The following CYRIA variants were observed in gnomAD, a reference collection of about 807,000 sequenced individuals.
CYRIA encodes the protein CYFIP-related Rac1 interactor A.
CYRIA carries 15 observed loss-of-function variants against 43.9 expected under a neutral mutation model. The observed-to-expected ratio is 0.34, with a 90% CI of 0.23 to 0.53. The LOEUF (loss-of-function observed/expected upper bound fraction) is 0.53. CYRIA is among the 20% of genes least tolerant of loss of function. The pLI is 0.94. For missense variants in CYRIA, 236 were observed against 394.2 expected, an observed-to-expected ratio of 0.60 and a Z score of 3.40; for synonymous variants, 117 against 136.0, an observed-to-expected ratio of 0.86 and a Z score of 0.97.
chr2:16,589,657 G>C (rs1667852667), intron 2 of CYRIA, among the ~76,000 whole-genome samples: 1 of 152,022 alleles, frequency 6.6e-6, no homozygotes, highest in Admixed American at 6.6e-5. Context: ...AGTATAAAAT[G>C]CTTAGCACAG....
intron 2 of CYRIA, among the ~76,000 whole-genome samples, chr2:16,592,278 G>A (rs1667959240): frequency 6.6e-6 from 1 of 152,054 alleles, no homozygotes; most frequent in African/African-American, 2.4e-5. Flanking sequence ...TTTGGATAAA[G>A]GATACTCAAA....
intron 1 of CYRIA, among the ~76,000 whole-genome samples, chr2:16,626,352 G>A (rs766534760): frequency 2.3e-4 from 35 of 152,140 alleles, no homozygotes; most frequent in African/African-American, 4.6e-4. Flanking sequence ...AAACTTGTAC[G>A]GTTAAAAATC....
At chr2:16,570,778 C>T (rs1437328460) in intron 3 of CYRIA, among the ~76,000 whole-genome samples, 1 of 152,130 alleles carries the variant, frequency 6.6e-6, no homozygotes, top group Non-Finnish European at 1.5e-5. Context: ...GTCCCCACCA[C>T]ACACACACCA....
rs74660891 is a variant in CYRIA, at chr2:16,564,276, T to C, written c.193-182A>G. Among the ~76,000 whole-genome samples, 708 of 152,316 alleles carry C rather than the reference T, an allele frequency of 4.6e-3. 5 individuals carry two copies. Among genetic ancestry groups the C allele is most frequent in the African/African-American group, 0.016 (684 of 41,572 alleles). Reference sequence around the variant, plus strand: ...CAATATGAATGGAAATTTTAACACTTGAACATACAGCAAATGGCTCTACAA... The same window carrying C: ...CAATATGAATGGAAATTTTAACACTCGAACATACAGCAAATGGCTCTACAA... On this transcript the variant is annotated intron_variant, in intron 4 of 11. Transcript: ENST00000381323.
At chr2:16,659,399 T>C (rs142803281) in intron 1 of CYRIA, among the ~76,000 whole-genome samples, 1 of 152,210 alleles carries the variant, frequency 6.6e-6, no homozygotes. Context: ...GGGGATAATA[T>C]CTGTTTCAAA....
At chr2:16,566,130 A>T (rs1021093937) in intron 3 of CYRIA, among the ~76,000 whole-genome samples, 2 of 152,140 alleles carry the variant, frequency 1.3e-5, no homozygotes, top group African/African-American at 4.8e-5. Context: ...TCTTTTTATT[A>T]TTTTATTACT....
chr2:16,563,711 A>C (rs569759626), intron 5 of CYRIA, among the ~76,000 whole-genome samples: 325 of 152,334 alleles, frequency 2.1e-3, no homozygotes, highest in Middle Eastern at 0.01. Context: ...ATCAGCCCAC[A>C]GTAAAACTAT....
At chr2:16,562,339 A>C (rs918527006) in intron 5 of CYRIA, among the ~76,000 whole-genome samples, 198 bp from the exon 6 acceptor site, 3 of 152,036 alleles carry the variant, frequency 2.0e-5, no homozygotes, top group African/African-American at 7.2e-5. Flanking sequence ...CCCTGAGGAA[A>C]CCCCCCATGG....
At chr2:16,588,605 T>A (rs2103459862) in intron 2 of CYRIA, among the ~76,000 whole-genome samples, 1 of 152,124 alleles carries the variant, frequency 6.6e-6, no homozygotes, top group East Asian at 1.9e-4. Flanking sequence ...GTGGAACATG[T>A]CACATCAGTG....
intron 2 of CYRIA, among the ~76,000 whole-genome samples, chr2:16,616,176 G>T (rs1668781535): frequency 6.6e-6 from 1 of 152,046 alleles, no homozygotes; most frequent in South Asian, 2.1e-4. Flanking sequence ...TTCACGGTGG[G>T]AACCCGCCAC....
intron 1 of CYRIA, among the ~76,000 whole-genome samples, chr2:16,638,341 A>T (rs1266785889): frequency 2.0e-5 from 3 of 152,214 alleles, no homozygotes; most frequent in Non-Finnish European, 2.9e-5. Context: ...ACAGTGTGGC[A>T]GTTGCACAGG....
chr2:16,626,943 G>A (rs1310813458), intron 1 of CYRIA, among the ~76,000 whole-genome samples: 2 of 152,180 alleles, frequency 1.3e-5, no homozygotes, highest in African/African-American at 4.8e-5. Context: ...TGCTCATTTT[G>A]AGAGCGGTAC....
At chr2:16,564,448 T>C (rs752965581) in intron 4 of CYRIA, among the ~76,000 whole-genome samples, 17 of 152,206 alleles carry the variant, frequency 1.1e-4, no homozygotes, top group Non-Finnish European at 2.2e-4. Context: ...TCTGTAGACA[T>C]TTTGTTTATC....
intron 2 of CYRIA, among the ~76,000 whole-genome samples, chr2:16,610,893 C>A (rs1668568680): frequency 1.5e-5 from 1 of 64,568 alleles, no homozygotes; most frequent in Admixed American, 1.9e-4. Context: ...TCTTTTAGTC[C>A]CAACATATAT....
intron 1 of CYRIA, among the ~76,000 whole-genome samples, chr2:16,664,565 A>G (rs908147649): frequency 2.6e-5 from 4 of 152,090 alleles, no homozygotes; most frequent in Non-Finnish European, 5.9e-5. Flanking sequence ...AAAGCCGACA[A>G]TGATCCACCC....
At chr2:16,571,249 GT>G (rs1440935244) in intron 3 of CYRIA, among the ~76,000 whole-genome samples, 6 of 152,226 alleles carry the variant, frequency 3.9e-5, no homozygotes, top group Non-Finnish European at 8.8e-5. Flanking sequence ...GGCTCAATTT[GT>G]TAATGCTGGT....
intron 5 of CYRIA, 83 bp from the exon 6 acceptor site, chr2:16,562,224 C>A: frequency 6.9e-7 from 1 of 1,445,304 alleles, no homozygotes; most frequent in South Asian, 1.3e-5. Flanking sequence ...CCTCAGTTGA[C>A]AATCTCGGAG....
At chr2:16,606,711 G>A (rs924085739) in intron 2 of CYRIA, among the ~76,000 whole-genome samples, 5 of 152,072 alleles carry the variant, frequency 3.3e-5, no homozygotes, top group Admixed American at 6.5e-5. Flanking sequence ...ACCAGGAGGC[G>A]AGTCCTGATG....
intron 2 of CYRIA, among the ~76,000 whole-genome samples, chr2:16,615,970 TTC>T (rs1481162995): frequency 1.3e-5 from 2 of 152,228 alleles, no homozygotes; most frequent in African/African-American, 4.8e-5. Context: ...CATTCTTCTC[TTC>T]TGTTTCGCTC....
Sources: gnomAD v4.1 joint callset for allele counts (sites outside exome capture counted in the v4.1 genomes callset) on GRCh38, gnomAD v4.1.1 for gene constraint, MANE v1.5 for transcripts, NCBI Gene and HGNC (gene_info 2026-07-23, HGNC 2026-07-21) for gene names.